The following ITGA4 variants were observed in gnomAD, a reference collection of about 807,000 sequenced individuals.
ITGA4 encodes the protein integrin subunit alpha 4, also known as integrin alpha-4.
In ITGA4, 63 loss-of-function variants were observed where a neutral mutation model predicts 133.6. The observed-to-expected ratio is 0.47, with a 90% CI of 0.38 to 0.58. The LOEUF (loss-of-function observed/expected upper bound fraction) is 0.58. Ranked by LOEUF, ITGA4 falls within the 20% of genes least tolerant of loss-of-function variation. The pLI is 0.00. For synonymous variants in ITGA4, 483 were observed against 438.0 expected (o/e 1.10, Z -1.28); for missense variants, 1,076 against 1,252.7 (o/e 0.86, Z 2.13).
chr2:181,463,864 T>C (rs1037712216), intron 2 of ITGA4, among the ~76,000 whole-genome samples: 2 of 152,132 alleles, frequency 1.3e-5, no homozygotes, highest in Non-Finnish European at 2.9e-5. Flanking sequence ...AAATGGCCAA[T>C]GGCAAATTTC....
chr2:181,528,259 T>C (rs1451389290), intron 22 of ITGA4, among the ~76,000 whole-genome samples: 2 of 152,206 alleles, frequency 1.3e-5, no homozygotes, highest in East Asian at 3.8e-4. Context: ...TATACTCCAA[T>C]TTTTGTTACA....
In ITGA4 at chr2:181,473,377, A is replaced by G. The variant is rs564483769; in HGVS notation, c.320-1583A>G. On this transcript the variant is annotated intron_variant, in intron 2 of 27. Transcript: ENST00000397033. ...AATGCCAGATGATCTGAGGTGGAAC[A>G]GTTTCATTCCAAACCTTACTACTGC... Among the ~76,000 whole-genome samples, 9 of 152,342 alleles carry G rather than the reference A, an allele frequency of 5.9e-5. No individual in the cohort carries two copies. The South Asian group carries it at 1.9e-3, about 32-fold the overall frequency.
At position 181,523,126 on chromosome 2, in the gene ITGA4, T is replaced by C. The variant is rs1031846054; in HGVS notation, c.2074-311T>C. Among the ~76,000 whole-genome samples the C allele has an allele frequency of 4.6e-5, 7 of 151,888 alleles. No individual in the cohort carries two copies. Among genetic ancestry groups the C allele is most frequent in the Admixed American group, 3.3e-4 (5 of 15,228 alleles). On this transcript the variant is annotated intron_variant, in intron 18 of 27. Transcript: ENST00000397033. The surrounding 1 kb of genome is among the most constrained non-coding windows in gnomAD (Gnocchi z 4.2). ...CTACAAGTCCAGAATTTTTTTTTTG[T>C]GGAGAATCTGTTTGAATACTAGAGT...
Position 181,524,154 on chromosome 2 carries a change from T to G in ITGA4, c.2170-17T>G. 6.5e-7 allele frequency: 1 copy of G among 1,550,184 alleles called. No homozygotes were observed. The highest frequency in any genetic ancestry group is 8.8e-7 in the Non-Finnish European group (1 of 1,140,498). ...TAAGATTTTTTTTAATGGGCTTTCCTGGTCTGTGTTTTACAGATAGATATT... is the reference window on the plus strand; with the variant it reads ...TAAGATTTTTTTTAATGGGCTTTCCGGGTCTGTGTTTTACAGATAGATATT... On this transcript the variant is annotated splice_polypyrimidine_tract_variant and intron_variant, in intron 19 of 27. Coordinates refer to ENST00000397033, the MANE Select transcript of ITGA4 (RefSeq NM_000885.6).
chr2:181,538,586 T>G lies in ITGA4; in HGVS notation c.*3059T>G, dbSNP rs1687325370. On this transcript the variant is annotated 3_prime_UTR_variant, in exon 28 of 28. Transcript: ENST00000397033. ...TGCCTACCAAGAATGCGTTTGCAGG[T>G]TCCTAAACCTGTTTATACCAGTTGC... Among the ~76,000 whole-genome samples, 1 of 152,152 alleles carries G rather than the reference T, an allele frequency of 6.6e-6. No individual in the cohort carries two copies. The highest frequency in any genetic ancestry group is 6.6e-5 in the Admixed American group (1 of 15,264).
chr2:181,492,170 A>C (rs1011988691), intron 10 of ITGA4, among the ~76,000 whole-genome samples: 7 of 152,256 alleles, frequency 4.6e-5, no homozygotes, highest in African/African-American at 1.7e-4. Flanking sequence ...CTGTCCGATG[A>C]ATGAATAAAT....
chr2:181,518,166 C>A (rs375944969), intron 17 of ITGA4, among the ~76,000 whole-genome samples: 1 of 152,036 alleles, frequency 6.6e-6, no homozygotes, highest in African/African-American at 2.4e-5. Context: ...AACACAGGCA[C>A]GAGTAAATCA....
chr2:181,514,225 A>AG (rs1216258157), intron 17 of ITGA4, among the ~76,000 whole-genome samples: 2 of 152,124 alleles, frequency 1.3e-5, no homozygotes, highest in Non-Finnish European at 2.9e-5. Context: ...GAAGGCATTG[A>AG]GGATATGTTT....
intron 9 of ITGA4, 127 bp downstream of exon 9, chr2:181,482,778 T>A (rs1685835670): frequency 1.3e-6 from 1 of 767,632 alleles, no homozygotes. Context: ...ATTCTAATAC[T>A]GTACTGATGC....
intron 25 of ITGA4, among the ~76,000 whole-genome samples, chr2:181,533,241 C>G (rs1686982157): frequency 6.6e-6 from 1 of 152,030 alleles, no homozygotes; most frequent in African/African-American, 2.4e-5. Flanking sequence ...CATAGGAAGC[C>G]AAAGGAAATG....
rs868487444 is a variant in ITGA4, at chr2:181,535,529, G to C, written c.*2G>C. 2.5e-6 allele frequency: 4 copies of C among 1,599,876 alleles called. No homozygotes were observed. In the African/African-American group the frequency reaches 4.0e-5, roughly 16 times the overall value. ...AACAGTAAAAGCAATGATGATTAAG[G>C]ACTTCTTTCAAATTGAGAGAATGGA... On this transcript the variant is annotated 3_prime_UTR_variant, in exon 28 of 28. Transcript: ENST00000397033.
At chr2:181,473,050 C>T (rs1426193263) in intron 2 of ITGA4, among the ~76,000 whole-genome samples, 1 of 152,168 alleles carries the variant, frequency 6.6e-6, no homozygotes, top group Non-Finnish European at 1.5e-5. Flanking sequence ...TGGGGGTTGC[C>T]ATTTATTCTA....
chr2:181,466,133 C>A (rs934623485), intron 2 of ITGA4, among the ~76,000 whole-genome samples: 2 of 151,964 alleles, frequency 1.3e-5, no homozygotes, highest in Non-Finnish European at 2.9e-5. Context: ...GGCAGAGACC[C>A]CAAACCTAAA....
At position 181,495,547 on chromosome 2, in the gene ITGA4, T is replaced by C; in HGVS notation, c.1385+131T>C. On this transcript the variant is annotated intron_variant, in intron 13 of 27. Transcript: ENST00000397033. This position sits in a 1 kb window ranked among gnomAD's most constrained non-coding sequence, Gnocchi z 4.3. ...TGGTATTCTGAAGCTTAATTATTGA[T>C]TTTTAGGGTATTTTTTTCACCTTAC... 1 of 766,920 alleles carries C rather than the reference T, an allele frequency of 1.3e-6. No individual in the cohort carries two copies. Among genetic ancestry groups the C allele is most frequent in the East Asian group, 2.5e-5 (1 of 40,118 alleles). The allele number at this position is 766,920 out of a possible 1,614,324, so 47.5% of individuals were successfully genotyped here.
upstream of ITGA4, chr2:181,457,372 G>C (rs1685142836): frequency 5.4e-6 from 2 of 367,936 alleles, no homozygotes; most frequent in South Asian, 3.1e-5. Context: ...CCCACCCAGC[G>C]GCCCGTACCC....
At chr2:181,484,216 G>A (rs572119839) in intron 9 of ITGA4, among the ~76,000 whole-genome samples, 1 of 152,284 alleles carries the variant, frequency 6.6e-6, no homozygotes, top group South Asian at 2.1e-4. Flanking sequence ...TCAGGGCTTG[G>A]AAGAGTCCTA....
At chr2:181,528,605 GGCACT>G (rs1396519439) in intron 22 of ITGA4, among the ~76,000 whole-genome samples, 1 of 152,090 alleles carries the variant, frequency 6.6e-6, no homozygotes, top group Non-Finnish European at 1.5e-5. Flanking sequence ...TGTAGTATTG[GGCACT>G]GCTAGGTATC....
chr2:181,523,639 G>A lies in ITGA4; in HGVS notation c.2169+107G>A. ...AATATTATAAATATTTTAGCTTGGGGTAGGTAGCTGAGTGATGAAATAAAA... is the reference window on the plus strand; with the variant it reads ...AATATTATAAATATTTTAGCTTGGGATAGGTAGCTGAGTGATGAAATAAAA... On this transcript the variant is annotated intron_variant, in intron 19 of 27. Transcript: ENST00000397033. The surrounding 1 kb of genome is among the most constrained non-coding windows in gnomAD (Gnocchi z 4.2). 6.5e-6 allele frequency: 4 copies of A among 612,748 alleles called. No homozygotes were observed. The highest frequency in any genetic ancestry group is 1.2e-5 in the Non-Finnish European group (4 of 347,162). 38.0% of individuals were successfully genotyped at this position (612,748 alleles called of 1,614,324 possible).
rs1010074164 is a variant in ITGA4, at chr2:181,538,027, T to G, written c.*2500T>G. 1.4e-6 allele frequency: 1 copy of G among 694,066 alleles called. No individual in the cohort carries two copies. Among genetic ancestry groups the G allele is most frequent in the African/African-American group, 1.8e-5 (1 of 56,580 alleles). The allele number at this position is 694,066 out of a possible 1,614,324, so 43.0% of individuals were successfully genotyped here. On this transcript the variant is annotated 3_prime_UTR_variant, in exon 28 of 28. Coordinates refer to ENST00000397033, the MANE Select transcript of ITGA4 (RefSeq NM_000885.6). ...GAATCTAATGCCTGATGATCTGAGG[T>G]GGAACAGTTCATCCTGAAACCATTC... is the stretch of plus-strand genomic sequence containing the variant.
Sources: allele counts gnomAD v4.1 joint callset (sites outside exome capture counted in the v4.1 genomes callset), GRCh38; gene constraint gnomAD v4.1.1; non-coding constraint Gnocchi (gnomAD v3.1); transcripts MANE v1.5; gene names NCBI Gene and HGNC (gene_info 2026-07-23, HGNC 2026-07-21).